FAAH2: variants seen among roughly 807,000 people sequenced by gnomAD.
FAAH2 encodes the protein fatty acid amide hydrolase 2.
In FAAH2, 60 loss-of-function variants were observed where a neutral mutation model predicts 36.9. The ratio of observed to expected loss-of-function variants is 1.63; its 90% CI spans 1.32 to 2.02. The LOEUF is 2.02. Among genes scored for constraint, FAAH2 ranks in the 30% most tolerant of loss-of-function variants. The pLI is 0.00. For missense variants in FAAH2, 689 were observed against 397.5 expected, an observed-to-expected ratio of 1.73 and a Z score of -6.23; for synonymous variants, 214 against 143.8, an observed-to-expected ratio of 1.49 and a Z score of -3.49.
chrX:57,401,667 AGGG>A, intron 7 of FAAH2, among the ~76,000 whole-genome samples: 1 of 111,119 alleles, frequency 9.0e-6, no homozygotes. Flanking sequence ...TTCGGGTCTA[AGGG>A]GGTACTGCCT....
chrX:57,319,821 A>G (rs1041887960), intron 3 of FAAH2, among the ~76,000 whole-genome samples: 2 of 111,901 alleles, frequency 1.8e-5, no homozygotes, highest in African/African-American at 6.5e-5. Context: ...ACCAAAACAG[A>G]GATATAGACC....
the FAAH2 span, among the ~76,000 whole-genome samples, chrX:57,177,130 C>T: frequency 9.0e-6 from 1 of 111,044 alleles, no homozygotes; most frequent in Admixed American, 9.7e-5. Context: ...AAATGTAATA[C>T]CCCAATAGTG....
chrX:57,289,949 T>C (rs2051927834), intron 1 of FAAH2, among the ~76,000 whole-genome samples: 1 of 110,913 alleles, frequency 9.0e-6, no homozygotes, highest in Admixed American at 9.6e-5. Context: ...ATGTACCTAG[T>C]CTTCATTTCT....
At chrX:57,379,684 C>T (rs993549131) in intron 6 of FAAH2, among the ~76,000 whole-genome samples, 3 of 110,187 alleles carry the variant, frequency 2.7e-5, no homozygotes, top group Admixed American at 9.8e-5. Context: ...CCGCTTTTTG[C>T]CCCATTGCCA....
At chrX:57,277,324 C>A in the FAAH2 span, among the ~76,000 whole-genome samples, 5 of 111,942 alleles carry the variant, frequency 4.5e-5, no homozygotes, top group East Asian at 8.5e-4. Context: ...ATGAGAAAAA[C>A]CACATGATTA....
At chrX:57,178,808 A>G in the FAAH2 span, among the ~76,000 whole-genome samples, 52 of 111,910 alleles carry the variant, frequency 4.6e-4, no homozygotes, top group African/African-American at 1.7e-3. Flanking sequence ...TTCTGCTAGC[A>G]GCAGCTACTT....
At chrX:57,348,086 C>T (rs771859202) in intron 5 of FAAH2, among the ~76,000 whole-genome samples, 2 of 110,512 alleles carry the variant, frequency 1.8e-5, no homozygotes, top group South Asian at 7.7e-4. Context: ...GGCTGCAGAC[C>T]TTCCCTGCAC....
At chrX:57,294,125 A>G (rs1028800090) in intron 2 of FAAH2, among the ~76,000 whole-genome samples, 1 of 111,982 alleles carries the variant, frequency 8.9e-6, no homozygotes, top group Non-Finnish European at 1.9e-5. Flanking sequence ...AGCACCTAGT[A>G]TAGAACCTTC....
the FAAH2 span, among the ~76,000 whole-genome samples, chrX:57,255,955 G>A: frequency 9.0e-6 from 1 of 111,643 alleles, no homozygotes; most frequent in Non-Finnish European, 1.9e-5. Context: ...GCAATAAAGG[G>A]TATCCAAATA....
At chrX:57,193,104 C>G in the FAAH2 span, among the ~76,000 whole-genome samples, 1 of 112,143 alleles carries the variant, frequency 8.9e-6, no homozygotes, top group African/African-American at 3.2e-5. Flanking sequence ...CCATATTTCT[C>G]TTCTTTCAAA....
chrX:57,342,471 A>G (rs1358215535), intron 5 of FAAH2, among the ~76,000 whole-genome samples: 1 of 111,354 alleles, frequency 9.0e-6, no homozygotes, highest in Non-Finnish European at 1.9e-5. Context: ...AACCCCCATG[A>G]CACGTTTACC....
At chrX:57,182,051 C>G in the FAAH2 span, among the ~76,000 whole-genome samples, 6 of 111,903 alleles carry the variant, frequency 5.4e-5, no homozygotes, top group African/African-American at 1.9e-4. Context: ...ACCTGGAACC[C>G]TTCCTTACAC....
At chrX:57,408,023 C>T (rs1440733334) in intron 7 of FAAH2, among the ~76,000 whole-genome samples, 3 of 110,961 alleles carry the variant, frequency 2.7e-5, no homozygotes, top group African/African-American at 6.5e-5. Context: ...GTTTTGATGC[C>T]AATACCATAC....
the FAAH2 span, among the ~76,000 whole-genome samples, chrX:57,151,573 T>C: frequency 8.9e-6 from 1 of 112,228 alleles, no homozygotes; most frequent in South Asian, 3.8e-4. Context: ...TCTTCTGCAT[T>C]GTTCATGTAG....
chrX:57,379,752 A>T (rs1161446979), intron 6 of FAAH2, among the ~76,000 whole-genome samples: 1 of 110,015 alleles, frequency 9.1e-6, no homozygotes, highest in Non-Finnish European at 1.9e-5. Flanking sequence ...TTGCCATCTC[A>T]TAAATGAATT....
intron 7 of FAAH2, among the ~76,000 whole-genome samples, chrX:57,423,516 G>A (rs988102407): frequency 8.9e-6 from 1 of 111,768 alleles, no homozygotes; most frequent in Non-Finnish European, 1.9e-5. Context: ...CCAATGGTAG[G>A]TTGCAGGAGA....
the FAAH2 span, among the ~76,000 whole-genome samples, chrX:57,125,007 T>A: frequency 1.8e-5 from 2 of 112,299 alleles, no homozygotes; most frequent in Non-Finnish European, 3.8e-5. Flanking sequence ...TCTTTCTCCT[T>A]CCTGATTGCC....
chrX:57,309,446 G>A (rs950660965), intron 2 of FAAH2, among the ~76,000 whole-genome samples: 2 of 111,834 alleles, frequency 1.8e-5, no homozygotes, highest in Non-Finnish European at 3.8e-5. Flanking sequence ...AAACTTTTAG[G>A]AAACACCACT....
At chrX:57,483,202 A>T in intron 10 of FAAH2, among the ~76,000 whole-genome samples, 1 of 111,131 alleles carries the variant, frequency 9.0e-6, no homozygotes, top group Non-Finnish European at 1.9e-5. Context: ...ACTTTGTTCC[A>T]TTTTTTAAAA....
Sources: allele counts gnomAD v4.1 joint callset (sites outside exome capture counted in the v4.1 genomes callset), GRCh38; gene constraint gnomAD v4.1.1; transcripts MANE v1.5; gene names NCBI Gene and HGNC (gene_info 2026-07-23, HGNC 2026-07-21).